Variants in RIMS1 observed in about 807,000 individuals in gnomAD.
The protein encoded by RIMS1 is regulating synaptic membrane exocytosis 1, also known as regulating synaptic membrane exocytosis protein 1.
In RIMS1, 83 loss-of-function variants were observed where a neutral mutation model predicts 214.1. That is an observed-to-expected ratio of 0.39 (90% CI 0.32 to 0.47). The LOEUF (loss-of-function observed/expected upper bound fraction) is 0.47. RIMS1 is among the 20% of genes least tolerant of loss of function. RIMS1 has a pLI of 0.99. For synonymous variants in RIMS1, 793 were observed against 786.8 expected (o/e 1.01, Z -0.13); for missense variants, 2,050 against 2,161.8 (o/e 0.95, Z 1.03).
intron 2 of RIMS1, among the ~76,000 whole-genome samples, chr6:72,027,575 G>C (rs1251960456): frequency 6.6e-6 from 1 of 151,692 alleles, no homozygotes. Flanking sequence ...CAAGTTCTTG[G>C]AAATGAACTA....
At chr6:71,944,851 T>G (rs1350243148) in intron 1 of RIMS1, among the ~76,000 whole-genome samples, 1 of 152,184 alleles carries the variant, frequency 6.6e-6, no homozygotes, top group Non-Finnish European at 1.5e-5. Flanking sequence ...AAAGCTCTTT[T>G]TTGACAATGT....
intron 4 of RIMS1, among the ~76,000 whole-genome samples, chr6:72,172,601 C>G (rs2047177281): frequency 6.6e-6 from 1 of 152,184 alleles, no homozygotes; most frequent in African/African-American, 2.4e-5. Context: ...TGCAGCTTAA[C>G]ACAGTCATTA....
At chr6:72,196,275 C>T (rs1346854611) in intron 6 of RIMS1, among the ~76,000 whole-genome samples, 1 of 151,936 alleles carries the variant, frequency 6.6e-6, no homozygotes, top group African/African-American at 2.4e-5. Flanking sequence ...CTAAAAAGAA[C>T]CTACTGCATT....
intron 2 of RIMS1, among the ~76,000 whole-genome samples, chr6:72,051,697 A>G (rs1824715001): frequency 6.6e-6 from 1 of 152,176 alleles, no homozygotes. Context: ...ACAGTAAATC[A>G]CTGACCCCAG....
In RIMS1 at chr6:72,300,657, C is replaced by T. The variant is rs7740492; in HGVS notation, c.3851-6601C>T. Reference sequence around the variant, plus strand: ...TGGGAGATAGTGTTCCCTCTCAAAACCTAAACATGCTTTTAAAAATTGTTT... The same window carrying T: ...TGGGAGATAGTGTTCCCTCTCAAAATCTAAACATGCTTTTAAAAATTGTTT... On this transcript the variant is annotated intron_variant, in intron 26 of 33. Transcript: ENST00000521978. Among the ~76,000 whole-genome samples, 660 of 151,850 alleles carry T rather than the reference C, an allele frequency of 4.3e-3. 5 individuals are homozygous for T. The highest frequency in any genetic ancestry group is 0.015 in the African/African-American group (638 of 41,506).
chr6:72,383,839 T>A (rs1359131638), intron 29 of RIMS1, among the ~76,000 whole-genome samples: 3 of 151,788 alleles, frequency 2.0e-5, no homozygotes, highest in Admixed American at 6.6e-5. Context: ...AAAAAAAAAA[T>A]TAATTTTTAC....
At chr6:72,322,503 G>A (rs2096228869) in intron 28 of RIMS1, among the ~76,000 whole-genome samples, 1 of 152,092 alleles carries the variant, frequency 6.6e-6, no homozygotes, top group South Asian at 2.1e-4. Context: ...CATGGTCACA[G>A]TTCCCCAGGC....
chr6:72,284,840 G>A (rs924549978), intron 24 of RIMS1, among the ~76,000 whole-genome samples: 6 of 152,118 alleles, frequency 3.9e-5, no homozygotes, highest in African/African-American at 1.4e-4. Context: ...CATTATAGAG[G>A]CATGCACAGG....
intron 1 of RIMS1, among the ~76,000 whole-genome samples, chr6:71,891,841 C>T (rs553495004): frequency 9.9e-5 from 15 of 152,228 alleles, no homozygotes; most frequent in Non-Finnish European, 1.6e-4. Context: ...ACTTTTTAAA[C>T]GAGGAAAACA....
At chr6:72,117,690 A>G (rs1291153451) in intron 4 of RIMS1, among the ~76,000 whole-genome samples, 1 of 151,992 alleles carries the variant, frequency 6.6e-6, no homozygotes, top group African/African-American at 2.4e-5. Context: ...TAGGTTAACA[A>G]TGAAATGAAG....
chr6:72,166,282 A>T (rs2496488), intron 4 of RIMS1, among the ~76,000 whole-genome samples: 104,493 of 149,896 alleles, frequency 0.7, 36,715 homozygotes, highest in East Asian at 0.84. Context: ...AGAGAGACAG[A>T]TGAACTCCTT....
chr6:72,007,369 G>A (rs1334013941), intron 2 of RIMS1, among the ~76,000 whole-genome samples: 1 of 152,138 alleles, frequency 6.6e-6, no homozygotes, highest in Non-Finnish European at 1.5e-5. Context: ...CCGCAAAGAT[G>A]GGGAAAAAAC....
chr6:72,345,429 T>A (rs1475072735), intron 29 of RIMS1, among the ~76,000 whole-genome samples: 2 of 148,002 alleles, frequency 1.4e-5, no homozygotes, highest in Non-Finnish European at 3.1e-5. Flanking sequence ...TTTACATGTG[T>A]TAATTCCTTC....
chr6:72,092,968 C>T, intron 2 of RIMS1, among the ~76,000 whole-genome samples: 1 of 152,078 alleles, frequency 6.6e-6, no homozygotes, highest in East Asian at 1.9e-4. Flanking sequence ...CTATGTAGCC[C>T]TGATTTGCTA....
chr6:71,935,041 A>G (rs899897472), intron 1 of RIMS1, among the ~76,000 whole-genome samples: 13 of 152,342 alleles, frequency 8.5e-5, no homozygotes, highest in South Asian at 4.1e-4. Flanking sequence ...AGACAAATTA[A>G]GTAAGTGCAG....
rs1198482383 is a variant in RIMS1 at position 71,987,828 on chromosome 6, A to C, written c.245+18765A>C. 2.6e-5 allele frequency among the ~76,000 whole-genome samples: 4 copies of C among 152,134 alleles called. No homozygotes were observed. In the East Asian group the frequency reaches 7.7e-4, roughly 29 times the overall value. On this transcript the variant is annotated intron_variant, in intron 2 of 33. Transcript: ENST00000521978. ...AGAGAAGAAAGGGCTGGGAATAGAG[A>C]GTTGCCTGTGGTGTGTCATTGATTG...
At chr6:72,150,236 T>A (rs1231722125) in intron 4 of RIMS1, among the ~76,000 whole-genome samples, 1 of 151,102 alleles carries the variant, frequency 6.6e-6, no homozygotes, top group African/African-American at 2.4e-5. Flanking sequence ...AAGGTGGGCA[T>A]GACAGTGTAA....
At chr6:72,316,613 A>C in intron 28 of RIMS1, 2 of 457,126 alleles carry the variant, frequency 4.4e-6, no homozygotes, top group Non-Finnish European at 4.2e-6. Context: ...CTGCACCAAG[A>C]GAGCAACCAG....
At chr6:72,121,046 G>C (rs1371333969) in intron 4 of RIMS1, among the ~76,000 whole-genome samples, 1 of 151,786 alleles carries the variant, frequency 6.6e-6, no homozygotes, top group Non-Finnish European at 1.5e-5. Context: ...TGCTGTTTTG[G>C]TTACTGTAGC....
Sources: allele counts gnomAD v4.1 joint callset (sites outside exome capture counted in the v4.1 genomes callset), GRCh38; gene constraint gnomAD v4.1.1; transcripts MANE v1.5; gene names NCBI Gene and HGNC (gene_info 2026-07-23, HGNC 2026-07-21).